CYTH4: variants seen among roughly 807,000 people sequenced by gnomAD.
CYTH4 encodes cytohesin 4, also known as cytohesin-4.
Under a neutral mutation model 57.5 loss-of-function variants are expected in CYTH4, and 22 were observed. The observed-to-expected ratio is 0.38, with a 90% CI of 0.27 to 0.55. The LOEUF (loss-of-function observed/expected upper bound fraction) is 0.55. CYTH4 is among the 20% of genes least tolerant of loss of function. The pLI is 0.74. For synonymous variants in CYTH4, 186 were observed against 206.5 expected (o/e 0.90, Z 0.85); for missense variants, 420 against 535.6 (o/e 0.78, Z 2.13).
At chr22:37,297,225 A>G (rs1048012307) in intron 4 of CYTH4, among the ~76,000 whole-genome samples, 1 of 152,234 alleles carries the variant, frequency 6.6e-6, no homozygotes, top group African/African-American at 2.4e-5. Flanking sequence ...GAACAAAAGA[A>G]ATGGCTGAAT....
chr22:37,290,519 T>C (rs956571196), intron 1 of CYTH4, among the ~76,000 whole-genome samples: 1 of 151,864 alleles, frequency 6.6e-6, no homozygotes, highest in Non-Finnish European at 1.5e-5. Context: ...TTTTGTTTTG[T>C]TTTGGAGACA....
intron 1 of CYTH4, 102 bp downstream of exon 1, chr22:37,282,690 A>G (rs1601692914): frequency 9.3e-7 from 1 of 1,074,390 alleles, no homozygotes; most frequent in Non-Finnish European, 1.3e-6. Context: ...AATACAGCGC[A>G]GGTGGGAAAT....
At chr22:37,313,012 A>G (rs1601713737) in intron 12 of CYTH4, among the ~76,000 whole-genome samples, 1 of 152,200 alleles carries the variant, frequency 6.6e-6, no homozygotes, top group Non-Finnish European at 1.5e-5. Flanking sequence ...TCTCACCTCC[A>G]TCTTACACAT....
rs1163595095 is a variant in CYTH4, at chr22:37,295,414, G to GCA, written c.168-574_168-573dup. ...CACGCATGCACACACACACAAGCAT[G>GCA]CACACACACACAAGCATGCACACAC... On this transcript the variant is annotated intron_variant, in intron 3 of 12. Transcript: ENST00000248901. The surrounding 1 kb of genome is among the most constrained non-coding windows in gnomAD (Gnocchi z 4.1). Among the ~76,000 whole-genome samples, 4 of 150,796 alleles carry GCA rather than the reference G, an allele frequency of 2.7e-5. No homozygotes were observed. Among genetic ancestry groups the GCA allele is most frequent in the Non-Finnish European group, 3.0e-5 (2 of 67,710 alleles).
At chr22:37,306,992 C>A (rs779852697) in intron 8 of CYTH4, among the ~76,000 whole-genome samples, 7 of 152,326 alleles carry the variant, frequency 4.6e-5, no homozygotes, top group Non-Finnish European at 8.8e-5. Flanking sequence ...TGGGTGTCAA[C>A]CCTGCCAAGT....
chr22:37,296,368 T>C (rs1000915899), intron 4 of CYTH4: 8 of 403,118 alleles, frequency 2.0e-5, no homozygotes, highest in South Asian at 2.9e-5. Flanking sequence ...TGAATGTGGC[T>C]TGGGACAGTG....
At chr22:37,313,304 C>A in intron 12 of CYTH4, 135 bp from the exon 13 acceptor site, 1 of 808,524 alleles carries the variant, frequency 1.2e-6, no homozygotes, top group Non-Finnish European at 2.1e-6. Flanking sequence ...TTTGTTGGGG[C>A]CATCTGGCCT....
rs781135219 is a variant in CYTH4, at chr22:37,300,941, G to T, written c.469G>T (p.Ala157Ser). The change falls in exon 7 of 13, where the codon GCC (alanine) becomes TCC (serine). Residue 157 changes from alanine (A) to serine (S), a missense_variant. Physicochemically the swap from Ala to Ser is moderately conservative, Grantham distance 99. Transcript: ENST00000248901. ...FLWSFRLPGE[A>S]QKIDRMMEAF... ...GTGGAGCTTCCGGCTGCCGGGCGAGGCCCAGAAGATAGACCGGATGATGGA... is the reference window on the plus strand; with the variant it reads ...GTGGAGCTTCCGGCTGCCGGGCGAGTCCCAGAAGATAGACCGGATGATGGA... 1.2e-6 allele frequency: 2 copies of T among 1,614,074 alleles called. No individual in the cohort carries two copies. The highest frequency in any genetic ancestry group is 2.7e-5 in the African/African-American group (2 of 74,932).
chr22:37,297,059 G>A (rs933667741), intron 4 of CYTH4, among the ~76,000 whole-genome samples: 1 of 152,206 alleles, frequency 6.6e-6, no homozygotes, highest in Non-Finnish European at 1.5e-5. Flanking sequence ...AGGGAAGGAA[G>A]GTCACCACGA....
At chr22:37,309,383 C>A (rs905710195) in intron 9 of CYTH4, 60 bp downstream of exon 9, 2 of 1,440,826 alleles carry the variant, frequency 1.4e-6, no homozygotes, top group Non-Finnish European at 2.0e-6. Context: ...GGGCACACAT[C>A]GTTGCATGCA....
intron 1 of CYTH4, among the ~76,000 whole-genome samples, chr22:37,288,491 C>G (rs1478486761): frequency 6.6e-6 from 1 of 151,912 alleles, no homozygotes; most frequent in South Asian, 2.1e-4. Flanking sequence ...GAGGCTGAGG[C>G]AGGAGAATCG....
At chr22:37,303,823 G>A (rs1929288698) in intron 8 of CYTH4, among the ~76,000 whole-genome samples, 1 of 152,180 alleles carries the variant, frequency 6.6e-6, no homozygotes, top group African/African-American at 2.4e-5. Context: ...TAGAGAGGAG[G>A]AAACTGAGGT....
rs992290386 is a variant in CYTH4 at position 37,299,373 on chromosome 22, C to T, written c.434+67C>T. The T allele has an allele frequency of 5.9e-6, 8 of 1,355,782 alleles. No individual in the cohort carries two copies. In the East Asian group the frequency reaches 9.2e-5, roughly 16 times the overall value. The allele number at this position is 1,355,782 out of a possible 1,614,324, so 84.0% of individuals were successfully genotyped here. A position where few individuals can be genotyped will look rare whatever the true frequency, so the allele number is the denominator to read the frequency against. On this transcript the variant is annotated intron_variant, in intron 6 of 12. Coordinates refer to ENST00000248901, the MANE Select transcript of CYTH4 (RefSeq NM_013385.5). ...ACAGCCCCAGTGGCTGGGGGTGTCG[C>T]GATCCACATAGCTGACAGCACAAAC... is the stretch of plus-strand genomic sequence containing the variant.
At chr22:37,296,224 T>A (rs1454460436) in intron 4 of CYTH4, 159 bp downstream of exon 4, 1 of 770,504 alleles carries the variant, frequency 1.3e-6, no homozygotes, top group Admixed American at 2.9e-5. Context: ...CATGGCCAGC[T>A]GTGGCTGGGC....
At position 37,297,564 on chromosome 22, in the gene CYTH4, G is replaced by A; in HGVS notation, c.235G>A (p.Gly79Ser). 3.7e-6 allele frequency: 6 copies of A among 1,613,244 alleles called. No homozygotes were observed. The highest frequency in any genetic ancestry group is 5.1e-6 in the Non-Finnish European group (6 of 1,179,484). Residue 79 changes from glycine (G) to serine (S), a missense_variant and splice_region_variant, in exon 5 of 13, where the codon GGT becomes AGT. Transcript: ENST00000248901. ...RKKFNMDPAKGIQYFIEHKLL... is the reference protein window; with the variant it reads ...RKKFNMDPAKSIQYFIEHKLL... ...CACGGCTTCTGTGTACCCCCTCCAG[G>A]GTATCCAGTATTTCATTGAGCACAA...
rs577301759 is a variant in CYTH4, at chr22:37,291,294, C to T, written c.20-1327C>T. 7.9e-5 allele frequency among the ~76,000 whole-genome samples: 12 copies of T among 152,340 alleles called. No homozygotes were observed. The East Asian group carries it at 2.1e-3, about 27-fold the overall frequency. On this transcript the variant is annotated intron_variant, in intron 1 of 12. Coordinates refer to ENST00000248901, the MANE Select transcript of CYTH4 (RefSeq NM_013385.5). ...CCTGGGGACCTGGGCTCCATCTAGCCTGGTGCCCTGCATCTCCGCATGGGG... is the reference window on the plus strand; with the variant it reads ...CCTGGGGACCTGGGCTCCATCTAGCTTGGTGCCCTGCATCTCCGCATGGGG...
rs755593226 is a variant in CYTH4, at chr22:37,313,550, A to G, written c.*39A>G. The G allele has an allele frequency of 6.3e-7, 1 of 1,596,640 alleles. No individual in the cohort carries two copies. Among genetic ancestry groups the G allele is most frequent in the Non-Finnish European group, 8.6e-7 (1 of 1,164,350 alleles). Reference sequence around the variant, plus strand: ...GGCACTGGGGGCTGGTCACCCTGAGAGTCCCATCGCCTGCAGCACCTGGAG... The same window carrying G: ...GGCACTGGGGGCTGGTCACCCTGAGGGTCCCATCGCCTGCAGCACCTGGAG... On this transcript the variant is annotated 3_prime_UTR_variant, in exon 13 of 13. Transcript: ENST00000248901.
rs1323974605 is a variant in CYTH4 at position 37,311,478 on chromosome 22, T to C, written c.908T>C (p.Ile303Thr). 1.2e-6 allele frequency: 2 copies of C among 1,614,104 alleles called. No individual in the cohort carries two copies. Among genetic ancestry groups the C allele is most frequent in the Non-Finnish European group, 8.5e-7 (1 of 1,180,022 alleles). The part of the protein sequence containing the change: ...FTTDKEPRGI[I>T]PLENLSVQKV... ...TAGGACAAGGAGCCACGGGGAATTATACCTCTTGAGAACCTCTCGGTGCAG... is the reference window on the plus strand; with the variant it reads ...TAGGACAAGGAGCCACGGGGAATTACACCTCTTGAGAACCTCTCGGTGCAG... Residue 303 changes from isoleucine to threonine, a missense_variant, in exon 11 of 13, where the codon ATA (isoleucine) becomes ACA (threonine). Transcript: ENST00000248901. This position sits in a 1 kb window ranked among gnomAD's most constrained non-coding sequence, Gnocchi z 4.4.
intron 9 of CYTH4, chr22:37,309,999 G>T (rs1234252482): frequency 2.1e-6 from 1 of 469,400 alleles, no homozygotes; most frequent in Non-Finnish European, 4.4e-6. Context: ...CTCCAGCAGG[G>T]ACAGCCAAGC....
Sources: allele counts gnomAD v4.1 joint callset (sites outside exome capture counted in the v4.1 genomes callset), GRCh38; gene constraint gnomAD v4.1.1; non-coding constraint Gnocchi (gnomAD v3.1); transcripts MANE v1.5; gene names NCBI Gene and HGNC (gene_info 2026-07-23, HGNC 2026-07-21).